Variants in PREX2 observed in about 807,000 individuals in gnomAD.
PREX2 encodes the protein phosphatidylinositol-3,4,5-trisphosphate dependent Rac exchange factor 2, also known as phosphatidylinositol 3,4,5-trisphosphate-dependent Rac exchanger 2 protein.
Under a neutral mutation model 203.2 loss-of-function variants are expected in PREX2, and 107 were observed. The observed-to-expected ratio is 0.53, with a 90% CI of 0.45 to 0.62. The LOEUF (loss-of-function observed/expected upper bound fraction) is 0.62, where lower values mean the gene tolerates loss of function less well. Ranked by LOEUF, PREX2 falls within the 20% of genes least tolerant of loss-of-function variation. The probability of loss-of-function intolerance (pLI) is 0.00; values close to 1 mark genes in which losing one functional copy is unlikely to be tolerated. For synonymous variants in PREX2, 672 were observed against 663.6 expected (o/e 1.01, Z -0.19); for missense variants, 1,777 against 1,955.9 (o/e 0.91, Z 1.72).
chr8:68,144,191 A>T (rs771277325), intron 33 of PREX2, among the ~76,000 whole-genome samples: 2 of 152,150 alleles, frequency 1.3e-5, no homozygotes, highest in Non-Finnish European at 2.9e-5. Flanking sequence ...GCCTTTTCAT[A>T]TAAACTTTAG....
At chr8:68,059,783 C>T (rs879552241) in intron 10 of PREX2, among the ~76,000 whole-genome samples, 1 of 152,126 alleles carries the variant, frequency 6.6e-6, no homozygotes, top group Admixed American at 6.5e-5. Flanking sequence ...GGAATCAGCT[C>T]CTCATTGAGG....
chr8:68,067,269 A>G (rs1278339530), intron 11 of PREX2, among the ~76,000 whole-genome samples: 1 of 152,100 alleles, frequency 6.6e-6, no homozygotes, highest in Non-Finnish European at 1.5e-5. Context: ...TGCCTTTGGA[A>G]TCTTGATAGA....
intron 35 of PREX2, among the ~76,000 whole-genome samples, chr8:68,164,589 T>TTTC (rs1029705545): frequency 3.3e-5 from 5 of 149,658 alleles, no homozygotes; most frequent in Non-Finnish European, 7.4e-5. Context: ...TTTTTTCTTT[T>TTTC]TTTTTTTTTT....
In PREX2 at chr8:68,090,735, A is replaced by G. The variant is rs763525772; in HGVS notation, c.2250+20A>G. ...ACGAAGGTAAGTGGCCCTTCAGATA[A>G]TCTGGATCTGAGTGACTACTTGCAT... On this transcript the variant is annotated intron_variant, in intron 20 of 39. Coordinates refer to ENST00000288368, the MANE Select transcript of PREX2 (RefSeq NM_024870.4). 17 of 1,607,618 alleles carry G rather than the reference A, an allele frequency of 1.1e-5. No homozygotes were observed. Among genetic ancestry groups the G allele is most frequent in the Non-Finnish European group, 1.4e-5 (17 of 1,175,536 alleles).
chr8:68,155,101 G>T (rs1436322039), intron 34 of PREX2, among the ~76,000 whole-genome samples: 2 of 151,856 alleles, frequency 1.3e-5, no homozygotes, highest in African/African-American at 4.8e-5. Flanking sequence ...GAAAGCAATT[G>T]TGTTTTCTTT....
chr8:67,991,095 G>T (rs73257998), intron 1 of PREX2, among the ~76,000 whole-genome samples: 5,045 of 152,164 alleles, frequency 0.033, 250 homozygotes, highest in African/African-American at 0.11. Flanking sequence ...ATTTATGGAG[G>T]CACTGGGCTA....
At chr8:68,096,946 G>C in intron 21 of PREX2, 71 bp from the exon 22 acceptor site, 1 of 1,277,424 alleles carries the variant, frequency 7.8e-7, no homozygotes, top group Non-Finnish European at 1.1e-6. Context: ...TATTTAAAGA[G>C]ACACAAAATT....
At chr8:68,188,161 A>G (rs572542707) in intron 35 of PREX2, among the ~76,000 whole-genome samples, 2 of 152,190 alleles carry the variant, frequency 1.3e-5, no homozygotes, top group Non-Finnish European at 2.9e-5. Context: ...CAAATCACTC[A>G]CTAGTTTGGG....
intron 1 of PREX2, among the ~76,000 whole-genome samples, chr8:67,957,255 C>T (rs906801504): frequency 3.3e-5 from 5 of 152,076 alleles, no homozygotes; most frequent in African/African-American, 1.2e-4. Context: ...CTTATAAATG[C>T]TCATTAGTTG....
intron 37 of PREX2, among the ~76,000 whole-genome samples, chr8:68,196,740 C>T (rs143815129): frequency 1.2e-3 from 182 of 151,796 alleles, no homozygotes; most frequent in African/African-American, 4.3e-3. Context: ...CCCCAACTCT[C>T]TCTTCCTCCT....
chr8:68,067,672 G>C (rs532644111), intron 11 of PREX2, among the ~76,000 whole-genome samples: 1 of 152,024 alleles, frequency 6.6e-6, no homozygotes, highest in African/African-American at 2.4e-5. Flanking sequence ...TCTACAAATA[G>C]AGACAATTTT....
At chr8:68,188,619 T>C (rs1229509964) in intron 35 of PREX2, among the ~76,000 whole-genome samples, 2 of 152,192 alleles carry the variant, frequency 1.3e-5, no homozygotes, top group East Asian at 1.9e-4. Context: ...CTCACAATCA[T>C]GGCTGAAGGC....
intron 6 of PREX2, among the ~76,000 whole-genome samples, chr8:68,031,037 T>C (rs1230065681): frequency 6.6e-6 from 1 of 152,150 alleles, no homozygotes; most frequent in Non-Finnish European, 1.5e-5. Flanking sequence ...TGATATTACT[T>C]TCAGACTCTA....
At chr8:68,090,467 A>G in intron 19 of PREX2, 112 bp from the exon 20 acceptor site, 3 of 876,492 alleles carry the variant, frequency 3.4e-6, no homozygotes, top group South Asian at 4.5e-5. Context: ...TCAAGATTAT[A>G]CTAGCTAGAC....
At chr8:67,958,091 T>C (rs141250276) in intron 1 of PREX2, among the ~76,000 whole-genome samples, 258 of 152,324 alleles carry the variant, frequency 1.7e-3, no homozygotes, top group Non-Finnish European at 3.0e-3. Flanking sequence ...ATCTTAGATT[T>C]CTAAGCTTTC....
In PREX2 at chr8:68,118,630, A is replaced by G. The variant is rs1810706905; in HGVS notation, c.3407A>G (p.Asp1136Gly). Residue 1136 changes from aspartate to glycine, a missense_variant, in exon 27 of 40, where the codon GAT becomes GGT. Transcript: ENST00000288368. ...CAGTGCAGCTCGTATTTCCACAGTGATGAAATGGACTCAGGTGTGTTCGTT... is the reference window on the plus strand; with the variant it reads ...CAGTGCAGCTCGTATTTCCACAGTGGTGAAATGGACTCAGGTGTGTTCGTT... ...SSQCSSYFHS[D>G]EMDSGDELPL... The G allele has an allele frequency of 6.2e-7, 1 of 1,613,250 alleles. No homozygotes were observed. Among genetic ancestry groups the G allele is most frequent in the Non-Finnish European group, 8.5e-7 (1 of 1,179,336 alleles).
chr8:67,974,902 T>C (rs1459175877), intron 1 of PREX2, among the ~76,000 whole-genome samples: 2 of 152,142 alleles, frequency 1.3e-5, no homozygotes, highest in African/African-American at 4.8e-5. Flanking sequence ...TGTAGGAAAA[T>C]GGACAGTTTT....
intron 35 of PREX2, among the ~76,000 whole-genome samples, chr8:68,184,318 A>G (rs1812146621): frequency 6.6e-6 from 1 of 152,162 alleles, no homozygotes; most frequent in South Asian, 2.1e-4. Context: ...GTTCAGTTTA[A>G]CAGTGAAACT....
At chr8:68,216,968 C>CA (rs59972334) in intron 37 of PREX2, among the ~76,000 whole-genome samples, 3,574 of 112,874 alleles carry the variant, frequency 0.032, 45 homozygotes, top group South Asian at 0.056. Context: ...CTCAAAAAAA[C>CA]AAAAAAAAAA....
Sources: gnomAD v4.1 joint callset for allele counts (sites outside exome capture counted in the v4.1 genomes callset) on GRCh38, gnomAD v4.1.1 for gene constraint, MANE v1.5 for transcripts, NCBI Gene and HGNC (gene_info 2026-07-23, HGNC 2026-07-21) for gene names.